The following MAN2A1 variants were observed in gnomAD, a reference collection of about 807,000 sequenced individuals.
MAN2A1 encodes the protein mannosidase alpha class 2A member 1.
MAN2A1 carries 76 observed loss-of-function variants against 142.6 expected under a neutral mutation model. The ratio of observed to expected loss-of-function variants is 0.53; its 90% confidence interval spans 0.44 to 0.65. The LOEUF (loss-of-function observed/expected upper bound fraction) is 0.65. MAN2A1 is among the 30% of genes least tolerant of loss of function. The pLI is 0.00. For missense variants in MAN2A1, 1,311 were observed against 1,365.1 expected (o/e 0.96, Z 0.62); for synonymous variants, 559 against 473.2 (o/e 1.18, Z -2.35).
intron 9 of MAN2A1, among the ~76,000 whole-genome samples, chr5:109,784,442 G>C (rs1753544031): frequency 6.6e-6 from 1 of 152,028 alleles, no homozygotes; most frequent in African/African-American, 2.4e-5. Flanking sequence ...TTTTTTCACT[G>C]TGCTATTCAT....
chr5:109,733,086 G>A (rs1257525582), intron 4 of MAN2A1, among the ~76,000 whole-genome samples: 2 of 152,216 alleles, frequency 1.3e-5, no homozygotes, highest in East Asian at 3.9e-4. Context: ...CACATCCCTT[G>A]TAAGTTGGAT....
At chr5:109,802,929 T>G (rs1754069157) in intron 12 of MAN2A1, among the ~76,000 whole-genome samples, 1 of 152,082 alleles carries the variant, frequency 6.6e-6, no homozygotes, top group Non-Finnish European at 1.5e-5. Context: ...AAGTTTATGA[T>G]AGGCTACCTA....
intron 12 of MAN2A1, among the ~76,000 whole-genome samples, chr5:109,798,807 G>A (rs1371968575): frequency 2.0e-5 from 3 of 152,096 alleles, no homozygotes; most frequent in Non-Finnish European, 4.4e-5. Flanking sequence ...TCAGCCTCCT[G>A]AGTAGCTGGG....
intron 4 of MAN2A1, among the ~76,000 whole-genome samples, chr5:109,737,178 C>T (rs927141567): frequency 6.7e-6 from 1 of 148,432 alleles, no homozygotes; most frequent in Non-Finnish European, 1.5e-5. Context: ...ACTGCAACCT[C>T]TGCCTCCCAG....
At chr5:109,761,154 A>T (rs2112636306) in intron 5 of MAN2A1, among the ~76,000 whole-genome samples, 2 of 150,650 alleles carry the variant, frequency 1.3e-5, no homozygotes, top group African/African-American at 4.8e-5. Context: ...ATAATTTCTT[A>T]TTAGTTATAA....
chr5:109,734,390 A>C (rs1752021130), intron 4 of MAN2A1, among the ~76,000 whole-genome samples: 1 of 147,870 alleles, frequency 6.8e-6, no homozygotes, highest in Admixed American at 6.8e-5. Context: ...CTCTGATGTT[A>C]GTTATTTCTT....
At chr5:109,698,797 A>T (rs781001942) in intron 1 of MAN2A1, among the ~76,000 whole-genome samples, 3 of 152,194 alleles carry the variant, frequency 2.0e-5, no homozygotes, top group South Asian at 2.1e-4. Flanking sequence ...TAAAAGGTAT[A>T]AATGCACATA....
At chr5:109,789,553 T>C (rs1315517751) in intron 12 of MAN2A1, 26 bp downstream of exon 12, 1 of 1,487,058 alleles carries the variant, frequency 6.7e-7, no homozygotes, top group Admixed American at 2.0e-5. Flanking sequence ...CTTACAAATG[T>C]TTACCACTTT....
At chr5:109,730,763 A>C (rs34387996) in intron 4 of MAN2A1, among the ~76,000 whole-genome samples, 29,513 of 152,074 alleles carry the variant, frequency 0.19, 3,824 homozygotes, top group East Asian at 0.64. Flanking sequence ...AATTGTTATC[A>C]TTGTTTTACA....
intron 3 of MAN2A1, among the ~76,000 whole-genome samples, chr5:109,717,662 A>G (rs1230181979): frequency 6.6e-6 from 1 of 152,158 alleles, no homozygotes; most frequent in Non-Finnish European, 1.5e-5. Flanking sequence ...GCTGGGCATC[A>G]TGGAAGGACT....
chr5:109,770,081 C>G (rs561315283), intron 6 of MAN2A1, among the ~76,000 whole-genome samples: 2 of 152,272 alleles, frequency 1.3e-5, no homozygotes, highest in African/African-American at 4.8e-5. Context: ...GTTTGTATCC[C>G]TCCTGGTCAG....
rs1750621718 is a variant in MAN2A1 at position 109,690,158 on chromosome 5, C to T, written c.-260C>T. The T allele has an allele frequency of 2.2e-6, 1 of 445,048 alleles. No homozygotes were observed. The highest frequency in any genetic ancestry group is 2.7e-5 in the South Asian group (1 of 36,520). 27.6% of individuals were successfully genotyped at this position (445,048 alleles called of 1,614,324 possible). On this transcript the variant is annotated 5_prime_UTR_variant, in exon 1 of 22. Transcript: ENST00000261483. ...TTGCGATCAAGTTTGTGGGGGCCCC[C>T]CTTCCCAGTTGCCGGCGAGTCTCGC...
chr5:109,772,786 A>G (rs1753184869), intron 7 of MAN2A1, among the ~76,000 whole-genome samples: 1 of 152,140 alleles, frequency 6.6e-6, no homozygotes, highest in East Asian at 1.9e-4. Flanking sequence ...CTGGGATTAC[A>G]GGTATGAGCC....
At chr5:109,725,693 T>C (rs1283911921) in intron 3 of MAN2A1, among the ~76,000 whole-genome samples, 1 of 152,236 alleles carries the variant, frequency 6.6e-6, no homozygotes. Flanking sequence ...ATCCTCATGG[T>C]GGTACTTAGT....
chr5:109,760,081 G>A (rs2112634710), intron 5 of MAN2A1, among the ~76,000 whole-genome samples: 1 of 152,130 alleles, frequency 6.6e-6, no homozygotes, highest in African/African-American at 2.4e-5. Flanking sequence ...GTGGTTTGCT[G>A]CACCCATCAA....
intron 16 of MAN2A1, among the ~76,000 whole-genome samples, chr5:109,828,028 G>A (rs938543458): frequency 4.0e-5 from 6 of 151,364 alleles, no homozygotes; most frequent in Non-Finnish European, 5.9e-5. Context: ...TCGCTTCAAC[G>A]CAGGAGGCGG....
chr5:109,844,366 G>C (rs749252086), intron 17 of MAN2A1, among the ~76,000 whole-genome samples: 14 of 152,134 alleles, frequency 9.2e-5, no homozygotes, highest in Non-Finnish European at 2.1e-4. Context: ...TGGGGAATCG[G>C]GGTAGCAACA....
In MAN2A1 at chr5:109,819,488, C is replaced by T. The variant is rs367752596; in HGVS notation, c.2110-181C>T. 2.1e-3 allele frequency among the ~76,000 whole-genome samples: 312 copies of T among 148,592 alleles called. 3 individuals are homozygous for T. The highest frequency in any genetic ancestry group is 7.3e-3 in the African/African-American group (294 of 40,412). On this transcript the variant is annotated intron_variant, in intron 13 of 21. Coordinates refer to ENST00000261483, the MANE Select transcript of MAN2A1 (RefSeq NM_002372.4). ...TATTTTTTGTTTTTTGTTTTTTTTT[C>T]AAACATTTTTTATCTGTAATTGGTT...
At chr5:109,832,381 C>G (rs181944415) in intron 16 of MAN2A1, among the ~76,000 whole-genome samples, 183 of 151,842 alleles carry the variant, frequency 1.2e-3, no homozygotes, top group African/African-American at 4.0e-3. Context: ...TGACTCTTAA[C>G]GAGCATGCTG....
Sources: gnomAD v4.1 joint callset for allele counts (sites outside exome capture counted in the v4.1 genomes callset) on GRCh38, gnomAD v4.1.1 for gene constraint, MANE v1.5 for transcripts, NCBI Gene and HGNC (gene_info 2026-07-23, HGNC 2026-07-21) for gene names.